The following SHROOM2 variants were observed in gnomAD, a reference collection of about 807,000 sequenced individuals.
The protein encoded by SHROOM2 is protein Shroom2.
SHROOM2 carries 33 observed loss-of-function variants against 75.9 expected under a neutral mutation model. The ratio of observed to expected loss-of-function variants is 0.43; its 90% CI spans 0.33 to 0.58. The LOEUF (loss-of-function observed/expected upper bound fraction) is 0.58, where lower values mean the gene tolerates loss of function less well. SHROOM2 is among the 20% of genes least tolerant of loss of function. The probability of loss-of-function intolerance (pLI) is 0.04; values close to 1 mark genes in which losing one functional copy is unlikely to be tolerated. For synonymous variants in SHROOM2, 655 were observed against 663.6 expected (o/e 0.99, Z 0.20); for missense variants, 1,434 against 1,461.2 (o/e 0.98, Z 0.30).
chrX:9,876,499 T>C (rs2084201574), intron 2 of SHROOM2, among the ~76,000 whole-genome samples: 3 of 112,401 alleles, frequency 2.7e-5, no homozygotes, highest in Admixed American at 1.9e-4. Flanking sequence ...TCTCCATTCC[T>C]AGGCAACCAC....
intron 1 of SHROOM2, among the ~76,000 whole-genome samples, chrX:9,864,843 TAAAA>T (rs1158150382): frequency 9.3e-6 from 1 of 107,978 alleles, no homozygotes; most frequent in African/African-American, 3.4e-5. Flanking sequence ...AATAAATAAA[TAAAA>T]ATAAATAAAT....
In SHROOM2 at chrX:9,946,958, G is replaced by C; in HGVS notation, c.*21G>C. 2 of 1,174,745 alleles carry C rather than the reference G, an allele frequency of 1.7e-6. No individual in the cohort carries two copies. Among genetic ancestry groups the C allele is most frequent in the Non-Finnish European group, 2.3e-6 (2 of 875,084 alleles). The stretch of plus-strand genomic sequence containing the variant: ...AATAAGAGACCAGTCCCCGGTGGAG[G>C]AGGGGCACGGGGCCTCCGAGCTCCA... On this transcript the variant is annotated 3_prime_UTR_variant, in exon 10 of 10. Coordinates refer to ENST00000380913, the MANE Select transcript of SHROOM2 (RefSeq NM_001649.4).
chrX:9,786,762 C>CGGGGCGCGTCGAGGTA (rs1365394000), intron 1 of SHROOM2, 52 bp downstream of exon 1: 9 of 830,826 alleles, frequency 1.1e-5, no homozygotes, highest in Middle Eastern at 5.6e-4. Flanking sequence ...GGCCGCCCTG[C>CGGGGCGCGTCGAGGTA]GGGGCGCGTC....
At position 9,895,628 on chromosome X, in the gene SHROOM2, G is replaced by T. The variant is rs748634823; in HGVS notation, c.1720G>T (p.Gly574Trp). 274 of 1,162,616 alleles carry T rather than the reference G, an allele frequency of 2.4e-4. No individual in the cohort carries two copies. Among genetic ancestry groups the T allele is most frequent in the Non-Finnish European group, 3.0e-4 (263 of 874,347 alleles). ...GGCAGCCAGCATCACGTGGGCAGAT[G>T]GGGAGAGCAGCAGGATCTGCCCGCA... ...RLAASITWADGESSRICPQET... is the reference protein window; with the variant it reads ...RLAASITWADWESSRICPQET... The change falls in exon 4 of 10, where the codon GGG becomes TGG. Residue 574 changes from glycine to tryptophan, a missense_variant. Gly to Trp is a radical substitution (Grantham distance 184). Transcript: ENST00000380913.
chrX:9,916,132 A>G (rs1471464422), intron 5 of SHROOM2, among the ~76,000 whole-genome samples: 1 of 112,180 alleles, frequency 8.9e-6, no homozygotes, highest in East Asian at 2.8e-4. Context: ...AAACCTTTTT[A>G]TTAAGAATAT....
chrX:9,908,163 G>A (rs1420919723), intron 5 of SHROOM2, among the ~76,000 whole-genome samples: 1 of 112,871 alleles, frequency 8.9e-6, no homozygotes, highest in African/African-American at 3.2e-5. Context: ...GGGGGCTGTA[G>A]CTTGTTCACA....
chrX:9,792,094 T>A (rs1234518313), intron 1 of SHROOM2, among the ~76,000 whole-genome samples: 14 of 15,015 alleles, frequency 9.3e-4, no homozygotes, highest in African/African-American at 1.5e-3. Flanking sequence ...TAGAATAGAA[T>A]AGAATAGAAT....
At chrX:9,871,524 G>A in intron 1 of SHROOM2, among the ~76,000 whole-genome samples, 1 of 112,022 alleles carries the variant, frequency 8.9e-6, no homozygotes, top group South Asian at 3.7e-4. Context: ...CAACCTTAGT[G>A]GGTGGAAGCT....
chrX:9,844,656 T>C (rs2083996283), intron 1 of SHROOM2, among the ~76,000 whole-genome samples: 1 of 109,545 alleles, frequency 9.1e-6, no homozygotes, highest in Non-Finnish European at 1.9e-5. Context: ...CTACTAAAAT[T>C]ATAAAAAAAT....
chrX:9,908,500 A>G (rs1374387711), intron 5 of SHROOM2, among the ~76,000 whole-genome samples: 1 of 112,333 alleles, frequency 8.9e-6, no homozygotes, highest in Admixed American at 9.5e-5. Context: ...AAGTCTTAAT[A>G]GTATTATACT....
intron 5 of SHROOM2, 80 bp from the exon 6 acceptor site, chrX:9,932,095 G>A: frequency 3.2e-6 from 3 of 948,228 alleles, no homozygotes; most frequent in Non-Finnish European, 2.8e-6. Context: ...TAAGGGGATT[G>A]TGAAGATCCA....
chrX:9,897,856 C>A (rs956515293), intron 4 of SHROOM2, among the ~76,000 whole-genome samples: 2 of 112,040 alleles, frequency 1.8e-5, no homozygotes, highest in Non-Finnish European at 3.8e-5. Context: ...TCAGCATGAC[C>A]TCTGAGAATT....
At chrX:9,822,261 C>T (rs1392975110) in intron 1 of SHROOM2, among the ~76,000 whole-genome samples, 1 of 111,407 alleles carries the variant, frequency 9.0e-6, no homozygotes, top group Non-Finnish European at 1.9e-5. Flanking sequence ...CTGGAAGGCC[C>T]CCTGGGCTGA....
intron 5 of SHROOM2, among the ~76,000 whole-genome samples, chrX:9,902,386 G>A (rs1040764687): frequency 7.2e-5 from 8 of 111,481 alleles, no homozygotes; most frequent in African/African-American, 2.6e-4. Context: ...TGAATGGGAA[G>A]ATAGAAGGAT....
intron 1 of SHROOM2, among the ~76,000 whole-genome samples, chrX:9,835,916 CAG>C (rs897739034): frequency 5.4e-5 from 6 of 112,022 alleles, no homozygotes; most frequent in Admixed American, 1.9e-4. Flanking sequence ...AGGCTGAACA[CAG>C]AGGTTCCCTG....
chrX:9,890,832 G>T, intron 2 of SHROOM2, 145 bp from the exon 3 acceptor site: 2 of 524,790 alleles, frequency 3.8e-6, no homozygotes, highest in South Asian at 3.7e-5. Context: ...GCGCACGTGC[G>T]CTGTGTGCGG....
At chrX:9,900,981 A>T (rs1457522626) in intron 5 of SHROOM2, among the ~76,000 whole-genome samples, 1 of 110,195 alleles carries the variant, frequency 9.1e-6, no homozygotes, top group Admixed American at 9.7e-5. Context: ...TCTGTTTCCT[A>T]GTGTGGCCAT....
At chrX:9,792,133 A>G (rs759411728) in intron 1 of SHROOM2, among the ~76,000 whole-genome samples, 2 of 24,153 alleles carry the variant, frequency 8.3e-5, no homozygotes, top group African/African-American at 1.0e-4. Flanking sequence ...ATAGAATAGA[A>G]TAGAATAGAA....
intron 1 of SHROOM2, chrX:9,865,271 A>G (rs189742576): frequency 2.9e-4 from 33 of 112,189 alleles, no homozygotes; most frequent in African/African-American, 9.7e-4. Flanking sequence ...CTCCTTAAAA[A>G]TGTTTACAGA....
Sources: gnomAD v4.1 joint callset for allele counts (sites outside exome capture counted in the v4.1 genomes callset) on GRCh38, gnomAD v4.1.1 for gene constraint, MANE v1.5 for transcripts, NCBI Gene and HGNC (gene_info 2026-07-23, HGNC 2026-07-21) for gene names.